Variants in MAGI2 observed in about 807,000 individuals in gnomAD.
MAGI2 encodes the protein membrane associated guanylate kinase, WW and PDZ domain containing 2.
In MAGI2, 35 loss-of-function variants were observed where a neutral mutation model predicts 133.3. The ratio of observed to expected loss-of-function variants is 0.26; its 90% CI spans 0.20 to 0.35. The LOEUF (loss-of-function observed/expected upper bound fraction) is 0.35, where lower values mean the gene tolerates loss of function less well. Among genes scored for constraint, MAGI2 ranks in the 10% least tolerant of loss-of-function variants. The pLI is 1.00. For synonymous variants in MAGI2, 729 were observed against 710.6 expected, an observed-to-expected ratio of 1.03 and a Z score of -0.41; for missense variants, 1,636 against 1,863.4, an observed-to-expected ratio of 0.88 and a Z score of 2.25.
At chr7:78,692,323 C>A (rs1585102836) in intron 2 of MAGI2, among the ~76,000 whole-genome samples, 1 of 152,138 alleles carries the variant, frequency 6.6e-6, no homozygotes, top group Non-Finnish European at 1.5e-5. Context: ...AGAAAGCAGG[C>A]AGTTTTTGAG....
chr7:78,938,434 G>A (rs1800697355), intron 2 of MAGI2, among the ~76,000 whole-genome samples: 3 of 152,028 alleles, frequency 2.0e-5, no homozygotes, highest in South Asian at 4.1e-4. Context: ...TCCTATCTAT[G>A]ATGCATATAG....
chr7:78,764,790 CTA>C (rs1824845590), intron 2 of MAGI2, among the ~76,000 whole-genome samples: 1 of 152,182 alleles, frequency 6.6e-6, no homozygotes, highest in Non-Finnish European at 1.5e-5. Context: ...AAGCTTCGTG[CTA>C]TGTTATGCCT....
intron 2 of MAGI2, among the ~76,000 whole-genome samples, chr7:78,961,970 A>G (rs1802886826): frequency 6.6e-6 from 1 of 152,132 alleles, no homozygotes; most frequent in Admixed American, 6.5e-5. Context: ...ATGTTACTGT[A>G]GTGAATACTC....
At chr7:78,319,532 G>C (rs929269065) in intron 9 of MAGI2, among the ~76,000 whole-genome samples, 2 of 152,154 alleles carry the variant, frequency 1.3e-5, no homozygotes, top group African/African-American at 4.8e-5. Context: ...TGACTGCTGG[G>C]TACATAAAGA....
At chr7:78,400,968 A>G (rs951549759) in intron 6 of MAGI2, among the ~76,000 whole-genome samples, 4 of 152,108 alleles carry the variant, frequency 2.6e-5, no homozygotes, top group African/African-American at 9.7e-5. Context: ...AGACTAGGGA[A>G]AGCCGATTTC....
At chr7:78,952,212 C>T (rs950336994) in intron 2 of MAGI2, among the ~76,000 whole-genome samples, 2 of 152,122 alleles carry the variant, frequency 1.3e-5, no homozygotes, top group Non-Finnish European at 2.9e-5. Context: ...TCTTACAACT[C>T]CAGAGATTCT....
intron 3 of MAGI2, among the ~76,000 whole-genome samples, chr7:78,575,734 A>G (rs1248254027): frequency 6.6e-6 from 1 of 152,200 alleles, no homozygotes; most frequent in Admixed American, 6.6e-5. Flanking sequence ...ACTCAAACTG[A>G]TAGTCATTCT....
At chr7:78,740,823 C>T (rs1822344650) in intron 2 of MAGI2, among the ~76,000 whole-genome samples, 1 of 152,150 alleles carries the variant, frequency 6.6e-6, no homozygotes. Context: ...AAAGCACCCC[C>T]ATGCTAATAG....
intron 3 of MAGI2, among the ~76,000 whole-genome samples, chr7:78,548,845 G>A (rs1178334624): frequency 1.3e-5 from 2 of 152,134 alleles, no homozygotes; most frequent in Admixed American, 6.6e-5. Context: ...TGATTTAGAT[G>A]TTAACTATTA....
chr7:78,428,755 G>A (rs60620266), intron 6 of MAGI2, among the ~76,000 whole-genome samples: 1 of 152,064 alleles, frequency 6.6e-6, no homozygotes, highest in East Asian at 1.9e-4. Context: ...AGTTTCACAC[G>A]TATATTTCTC....
intron 2 of MAGI2, among the ~76,000 whole-genome samples, chr7:79,001,210 C>G (rs1338678820): frequency 1.3e-5 from 2 of 152,100 alleles, no homozygotes; most frequent in Non-Finnish European, 2.9e-5. Context: ...CCACCATGCC[C>G]GGCCACTTTA....
At chr7:78,181,649 T>C (rs554777145) in intron 13 of MAGI2, among the ~76,000 whole-genome samples, 210 of 152,324 alleles carry the variant, frequency 1.4e-3, no homozygotes, top group Non-Finnish European at 2.4e-3. Flanking sequence ...CATGATCCTC[T>C]TCCTAGATGG....
intron 2 of MAGI2, among the ~76,000 whole-genome samples, chr7:78,797,665 T>G (rs147097008): frequency 3.9e-4 from 59 of 152,284 alleles, no homozygotes; most frequent in Non-Finnish European, 7.1e-4. Context: ...GGAAAAGGTT[T>G]TTAATGTTCA....
intron 2 of MAGI2, among the ~76,000 whole-genome samples, chr7:78,927,766 C>T (rs1255041842): frequency 6.6e-6 from 1 of 151,732 alleles, no homozygotes; most frequent in Non-Finnish European, 1.5e-5. Context: ...TGTTTATCTG[C>T]CCTTTCTTCT....
chr7:79,057,436 C>T (rs75266806), intron 1 of MAGI2, among the ~76,000 whole-genome samples: 13,539 of 152,146 alleles, frequency 0.089, 795 homozygotes, highest in Middle Eastern at 0.16. Context: ...TGAGCAAATA[C>T]ATTTTAGAAA....
chr7:79,273,625 A>G (rs1333215527), intron 1 of MAGI2, among the ~76,000 whole-genome samples: 1 of 150,738 alleles, frequency 6.6e-6, no homozygotes, highest in African/African-American at 2.4e-5. Flanking sequence ...TTTTCTTCAG[A>G]GTAAATACAC....
intron 21 of MAGI2, among the ~76,000 whole-genome samples, chr7:78,070,788 AC>A (rs1233141448): frequency 6.6e-6 from 1 of 151,926 alleles, no homozygotes; most frequent in Non-Finnish European, 1.5e-5. Context: ...GATTACAGGC[AC>A]ATGCCACCAC....
At chr7:78,965,695 C>G (rs574974866) in intron 2 of MAGI2, among the ~76,000 whole-genome samples, 14 of 152,068 alleles carry the variant, frequency 9.2e-5, no homozygotes, top group African/African-American at 3.4e-4. Context: ...CTATGACGTA[C>G]AGAAATCAAA....
chr7:79,006,974 G>T, intron 2 of MAGI2, 116 bp downstream of exon 2: 1 of 715,648 alleles, frequency 1.4e-6, no homozygotes. Context: ...TAAGTTTTCT[G>T]TTCCAAAAGC....
Sources: allele counts gnomAD v4.1 joint callset (sites outside exome capture counted in the v4.1 genomes callset), GRCh38; gene constraint gnomAD v4.1.1; transcripts MANE v1.5; gene names NCBI Gene and HGNC (gene_info 2026-07-23, HGNC 2026-07-21).